The following GRID2 variants were observed in gnomAD, a reference collection of about 807,000 sequenced individuals.
GRID2 encodes glutamate ionotropic receptor delta type subunit 2, also known as glutamate receptor ionotropic, delta-2.
A neutral mutation model predicts 114.8 loss-of-function variants in GRID2; 33 were observed. The ratio of observed to expected loss-of-function variants is 0.29; its 90% confidence interval spans 0.22 to 0.38. The LOEUF is 0.38. Among genes scored for constraint, GRID2 ranks in the 10% least tolerant of loss-of-function variants. GRID2 has a pLI of 1.00. For synonymous variants in GRID2, 505 were observed against 449.9 expected (o/e 1.12, Z -1.55); for missense variants, 1,184 against 1,257.7 (o/e 0.94, Z 0.89).
At chr4:93,157,434 T>C (rs1337037642) in intron 4 of GRID2, among the ~76,000 whole-genome samples, 1 of 151,748 alleles carries the variant, frequency 6.6e-6, no homozygotes, top group Non-Finnish European at 1.5e-5. Context: ...TTCAACACTA[T>C]ATTGTGTAGT....
chr4:92,798,491 A>G (rs1241720205), intron 2 of GRID2, among the ~76,000 whole-genome samples: 1 of 152,066 alleles, frequency 6.6e-6, no homozygotes, highest in African/African-American at 2.4e-5. Flanking sequence ...TAAAGGGACC[A>G]CTGCTAAAAA....
At chr4:93,217,050 T>A in intron 6 of GRID2, 139 bp downstream of exon 6, 1 of 572,692 alleles carries the variant, frequency 1.7e-6, no homozygotes, top group South Asian at 2.8e-5. Flanking sequence ...ATAAGTCTAA[T>A]GGGGAGAAAG....
chr4:92,615,666 T>G (rs1203875682), intron 2 of GRID2, among the ~76,000 whole-genome samples: 1 of 151,696 alleles, frequency 6.6e-6, no homozygotes, highest in African/African-American at 2.4e-5. Context: ...TTTTTATTGC[T>G]ATACCTCATC....
chr4:92,402,593 A>AT (rs1730838796), intron 1 of GRID2, among the ~76,000 whole-genome samples: 1 of 152,206 alleles, frequency 6.6e-6, no homozygotes, highest in Non-Finnish European at 1.5e-5. Flanking sequence ...TTTTAAAGGA[A>AT]TCTTGTTTTA....
intron 1 of GRID2, among the ~76,000 whole-genome samples, chr4:92,550,613 A>C (rs1007238110): frequency 6.6e-6 from 1 of 152,182 alleles, no homozygotes; most frequent in Non-Finnish European, 1.5e-5. Context: ...TGAGGCTTGA[A>C]GAGCTTGCTC....
chr4:93,429,536 A>G (rs988201441), intron 10 of GRID2, among the ~76,000 whole-genome samples: 1 of 152,190 alleles, frequency 6.6e-6, no homozygotes, highest in African/African-American at 2.4e-5. Context: ...CTGTTCCTTC[A>G]GCCTAATTTT....
intron 4 of GRID2, among the ~76,000 whole-genome samples, chr4:93,197,074 CAA>C (rs1741570884): frequency 6.6e-6 from 1 of 152,086 alleles, no homozygotes; most frequent in African/African-American, 2.4e-5. Flanking sequence ...CTGTATTGTT[CAA>C]AGTCTTCTAT....
intron 13 of GRID2, among the ~76,000 whole-genome samples, chr4:93,596,734 T>C (rs1397545448): frequency 1.3e-5 from 2 of 152,240 alleles, no homozygotes; most frequent in Non-Finnish European, 2.9e-5. Flanking sequence ...AAGTGTCTGA[T>C]TTGATATATC....
intron 1 of GRID2, among the ~76,000 whole-genome samples, chr4:92,537,462 A>G (rs971898696): frequency 5.9e-5 from 9 of 152,318 alleles, no homozygotes; most frequent in Middle Eastern, 3.4e-3. Context: ...ATAATTACCA[A>G]TCTTCAATTA....
intron 1 of GRID2, among the ~76,000 whole-genome samples, chr4:92,476,269 C>T (rs1158589542): frequency 6.6e-6 from 1 of 152,088 alleles, no homozygotes; most frequent in Non-Finnish European, 1.5e-5. Flanking sequence ...TTGTGATCCG[C>T]CCGCCTTGGC....
At chr4:93,519,064 G>A (rs2149495689) in intron 13 of GRID2, among the ~76,000 whole-genome samples, 1 of 152,176 alleles carries the variant, frequency 6.6e-6, no homozygotes, top group Non-Finnish European at 1.5e-5. Flanking sequence ...CCCTATCCCA[G>A]CCTTTCTAAA....
At chr4:93,593,673 C>G (rs62320419) in intron 13 of GRID2, among the ~76,000 whole-genome samples, 3 of 151,926 alleles carry the variant, frequency 2.0e-5, no homozygotes, top group Non-Finnish European at 4.4e-5. Flanking sequence ...TCCATTCTCC[C>G]CATCACTTTC....
chr4:92,737,015 T>C (rs1182846962), intron 2 of GRID2, among the ~76,000 whole-genome samples: 1 of 152,074 alleles, frequency 6.6e-6, no homozygotes, highest in East Asian at 1.9e-4. Flanking sequence ...GAGATACTCA[T>C]ATACTCATAT....
At chr4:93,427,045 A>G (rs1768919477) in intron 10 of GRID2, among the ~76,000 whole-genome samples, 1 of 152,054 alleles carries the variant, frequency 6.6e-6, no homozygotes, top group Admixed American at 6.5e-5. Flanking sequence ...CATTTCAAGA[A>G]GGAAAGAGCA....
chr4:93,294,607 G>A (rs1754095373), intron 8 of GRID2, among the ~76,000 whole-genome samples: 1 of 152,148 alleles, frequency 6.6e-6, no homozygotes, highest in African/African-American at 2.4e-5. Context: ...TGCCCAGGCT[G>A]GAGTGCAGTG....
chr4:93,174,565 G>A (rs77894580), intron 4 of GRID2, among the ~76,000 whole-genome samples: 3,515 of 152,094 alleles, frequency 0.023, 137 homozygotes, highest in African/African-American at 0.08. Flanking sequence ...AGGGTCTTTC[G>A]GGTTAAAGGA....
At chr4:92,504,965 T>C (rs1469228087) in intron 1 of GRID2, among the ~76,000 whole-genome samples, 1 of 152,006 alleles carries the variant, frequency 6.6e-6, no homozygotes. Flanking sequence ...GTCAAACTAA[T>C]AATAATGGGT....
intron 1 of GRID2, among the ~76,000 whole-genome samples, chr4:93,794,736 G>A (rs1734762736): frequency 6.6e-6 from 1 of 152,078 alleles, no homozygotes; most frequent in Non-Finnish European, 1.5e-5. Flanking sequence ...ATTCCCCTCA[G>A]AAATAAACTG....
chr4:93,803,685 G>A (rs143763922), intron 1 of GRID2, among the ~76,000 whole-genome samples: 43 of 151,598 alleles, frequency 2.8e-4, no homozygotes, highest in Non-Finnish European at 5.3e-4. Flanking sequence ...TTGCCCCAAC[G>A]CACACCAGCC....
Sources: gnomAD v4.1 joint callset for allele counts (sites outside exome capture counted in the v4.1 genomes callset) on GRCh38, gnomAD v4.1.1 for gene constraint, MANE v1.5 for transcripts, NCBI Gene and HGNC (gene_info 2026-07-23, HGNC 2026-07-21) for gene names.